POC1A: variants seen among roughly 807,000 people sequenced by gnomAD.
The protein encoded by POC1A is POC1 centriolar protein homolog A.
A neutral mutation model predicts 47.8 loss-of-function variants in POC1A; 34 were observed. The observed-to-expected ratio is 0.71, with a 90% confidence interval of 0.54 to 0.95. The LOEUF is 0.95. Ranked by LOEUF, POC1A falls within the 40% of genes least tolerant of loss-of-function variation. The pLI, the probability that POC1A is intolerant of heterozygous loss-of-function variation, is 0.00. For synonymous variants in POC1A, 177 were observed against 207.6 expected, an observed-to-expected ratio of 0.85 and a Z score of 1.27; for missense variants, 466 against 528.3, an observed-to-expected ratio of 0.88 and a Z score of 1.16.
chr3:52,151,979 A>G (rs886509414), intron 1 of POC1A, among the ~76,000 whole-genome samples: 2 of 152,212 alleles, frequency 1.3e-5, no homozygotes, highest in Non-Finnish European at 2.9e-5. Flanking sequence ...AGTTCCTCAA[A>G]AAGTTAAACA....
At chr3:52,104,754 A>C (rs1438920676) in intron 9 of POC1A, among the ~76,000 whole-genome samples, 1 of 152,220 alleles carries the variant, frequency 6.6e-6, no homozygotes, top group African/African-American at 2.4e-5. Flanking sequence ...CCAAAGCCCC[A>C]GTTTCCCAGT....
intron 10 of POC1A, among the ~76,000 whole-genome samples, chr3:52,080,689 GC>G (rs1332107338): frequency 1.3e-5 from 2 of 152,360 alleles, no homozygotes; most frequent in African/African-American, 4.8e-5. Flanking sequence ...ACGAGAAGCT[GC>G]CCCAATCACT....
At chr3:52,153,571 G>A (rs1698623695) in intron 1 of POC1A, among the ~76,000 whole-genome samples, 1 of 152,240 alleles carries the variant, frequency 6.6e-6, no homozygotes, top group African/African-American at 2.4e-5. Flanking sequence ...GAGAGTGTCC[G>A]CCCCTAGGCT....
chr3:52,135,518 C>G (rs1704421279), intron 7 of POC1A, among the ~76,000 whole-genome samples: 1 of 152,190 alleles, frequency 6.6e-6, no homozygotes, highest in African/African-American at 2.4e-5. Flanking sequence ...CCCGAAAGTG[C>G]TGGGATGACA....
At chr3:52,097,390 C>T (rs1246445040) in intron 9 of POC1A, among the ~76,000 whole-genome samples, 1 of 152,248 alleles carries the variant, frequency 6.6e-6, no homozygotes, top group Non-Finnish European at 1.5e-5. Flanking sequence ...TCAGATAGGA[C>T]TCCAGGAGGT....
intron 10 of POC1A, among the ~76,000 whole-genome samples, chr3:52,088,278 G>C (rs1243604108): frequency 6.6e-6 from 1 of 152,156 alleles, no homozygotes; most frequent in Non-Finnish European, 1.5e-5. Context: ...AGCATCCACT[G>C]ATCCACAGTG....
At chr3:52,144,952 A>G (rs1698317100) in intron 6 of POC1A, among the ~76,000 whole-genome samples, 1 of 152,196 alleles carries the variant, frequency 6.6e-6, no homozygotes, top group Admixed American at 6.5e-5. Flanking sequence ...TAAGGAAGCG[A>G]GCCCAAGAAC....
At chr3:52,087,480 C>A (rs534412198) in intron 10 of POC1A, among the ~76,000 whole-genome samples, 1 of 152,310 alleles carries the variant, frequency 6.6e-6, no homozygotes, top group East Asian at 1.9e-4. Context: ...AGCCTATGGT[C>A]CGCGGTTGTT....
chr3:52,141,482 C>T (rs182152508), intron 6 of POC1A, among the ~76,000 whole-genome samples: 5 of 152,348 alleles, frequency 3.3e-5, no homozygotes, highest in Non-Finnish European at 7.3e-5. Context: ...TGACAAGAGG[C>T]TTTGGATTCA....
At chr3:52,116,346 A>G (rs755558390) in intron 9 of POC1A, among the ~76,000 whole-genome samples, 2 of 152,224 alleles carry the variant, frequency 1.3e-5, no homozygotes, top group Non-Finnish European at 2.9e-5. Context: ...AGGAAGAAGA[A>G]ATAGACCATC....
intron 8 of POC1A, 42 bp downstream of exon 8, chr3:52,125,071 G>T: frequency 6.9e-7 from 1 of 1,455,542 alleles, no homozygotes; most frequent in Non-Finnish European, 9.6e-7. Context: ...AATCAGCTCA[G>T]ATTCCCTTCT....
chr3:52,078,741 C>T (rs892571379), intron 10 of POC1A, among the ~76,000 whole-genome samples: 4 of 152,146 alleles, frequency 2.6e-5, no homozygotes, highest in East Asian at 1.9e-4. Flanking sequence ...CCTCGTGATC[C>T]GCCCGGCTCA....
At chr3:52,097,385 T>C (rs1702854803) in intron 9 of POC1A, among the ~76,000 whole-genome samples, 1 of 152,206 alleles carries the variant, frequency 6.6e-6, no homozygotes, top group Non-Finnish European at 1.5e-5. Context: ...CTGCTTCAGA[T>C]AGGACTCCAG....
In POC1A at chr3:52,154,354, C is replaced by G; in HGVS notation, c.18+1G>C. Reference sequence around the variant, plus strand: ...GGGGAGTTGCTCTCGGCTGGGCTTACCGCGCAGGGCGCAGCCATGGCGGGG... The same window carrying G: ...GGGGAGTTGCTCTCGGCTGGGCTTAGCGCGCAGGGCGCAGCCATGGCGGGG... On this transcript the variant is annotated splice_donor_variant, in intron 1 of 10. Coordinates refer to ENST00000296484, the MANE Select transcript of POC1A (RefSeq NM_015426.5). LOFTEE classifies it high-confidence loss of function. 1.3e-6 allele frequency: 2 copies of G among 1,545,944 alleles called. No individual in the cohort carries two copies. Among genetic ancestry groups the G allele is most frequent in the Non-Finnish European group, 1.7e-6 (2 of 1,151,792 alleles).
At chr3:52,106,308 C>T (rs1007494726) in intron 9 of POC1A, among the ~76,000 whole-genome samples, 3 of 152,142 alleles carry the variant, frequency 2.0e-5, no homozygotes, top group Non-Finnish European at 4.4e-5. Context: ...CTCAGAGCCA[C>T]CCCTTGACCT....
chr3:52,122,532 C>T (rs1156631295), intron 8 of POC1A, 55 bp from the exon 9 acceptor site: 2 of 1,110,454 alleles, frequency 1.8e-6, no homozygotes, highest in Non-Finnish European at 2.8e-6. Context: ...CTTGCCAGTC[C>T]TTCACTGAGG....
chr3:52,145,006 C>A (rs373545731), intron 6 of POC1A, among the ~76,000 whole-genome samples: 17 of 152,334 alleles, frequency 1.1e-4, no homozygotes, highest in Middle Eastern at 3.4e-3. Context: ...CTTCAAACAA[C>A]TCCAGCTCTG....
At chr3:52,138,388 G>C in intron 6 of POC1A, 86 bp from the exon 7 acceptor site, 1 of 1,414,688 alleles carries the variant, frequency 7.1e-7, no homozygotes. Context: ...GGCCAATCGA[G>C]GCTCAGCACA....
At chr3:52,091,658 A>C (rs1479965013) in intron 10 of POC1A, among the ~76,000 whole-genome samples, 1 of 152,166 alleles carries the variant, frequency 6.6e-6, no homozygotes, top group Non-Finnish European at 1.5e-5. Flanking sequence ...CTGGCAACTC[A>C]AAAGCATTTC....
Sources: gnomAD v4.1 joint callset for allele counts (sites outside exome capture counted in the v4.1 genomes callset) on GRCh38, gnomAD v4.1.1 for gene constraint, MANE v1.5 for transcripts, NCBI Gene and HGNC (gene_info 2026-07-23, HGNC 2026-07-21) for gene names.